Variants in TG observed in about 807,000 individuals in gnomAD.
The protein encoded by TG is thyroglobulin.
TG carries 270 observed loss-of-function variants against 324.7 expected under a neutral mutation model. The observed-to-expected ratio is 0.83, with a 90% CI of 0.75 to 0.92. TG has a LOEUF of 0.92. Ranked by LOEUF, TG falls within the 40% of genes least tolerant of loss-of-function variation. The pLI is 0.00. For synonymous variants in TG, 1,401 were observed against 1,327.0 expected (o/e 1.06, Z -1.21); for missense variants, 3,591 against 3,456.4 (o/e 1.04, Z -0.98).
chr8:133,084,239 T>A (rs1846170813), intron 41 of TG, among the ~76,000 whole-genome samples: 1 of 152,146 alleles, frequency 6.6e-6, no homozygotes, highest in Admixed American at 6.5e-5. Context: ...AGACTTTGCC[T>A]CTGTCTAGGC....
At chr8:132,950,699 C>T (rs1405087659) in intron 27 of TG, among the ~76,000 whole-genome samples, 3 of 152,190 alleles carry the variant, frequency 2.0e-5, no homozygotes, top group Non-Finnish European at 4.4e-5. Context: ...ACTTGTGTGA[C>T]CTGGAGTAGG....
intron 43 of TG, among the ~76,000 whole-genome samples, chr8:133,104,945 C>T (rs927859042): frequency 7.2e-5 from 11 of 152,306 alleles, no homozygotes; most frequent in African/African-American, 2.4e-4. Context: ...TGTGTCATGT[C>T]CATTTGGAAT....
chr8:133,076,426 T>C (rs1844870224), intron 41 of TG, among the ~76,000 whole-genome samples: 1 of 152,210 alleles, frequency 6.6e-6, no homozygotes, highest in Non-Finnish European at 1.5e-5. Context: ...ACTAGAGAGA[T>C]GGTTCCTTAG....
chr8:133,128,510 A>G (rs1467512952), intron 45 of TG, among the ~76,000 whole-genome samples: 2 of 152,062 alleles, frequency 1.3e-5, no homozygotes, highest in African/African-American at 4.8e-5. Context: ...ATTTACACCC[A>G]CTCGATCTAT....
Position 132,906,074 on chromosome 8 carries a change from T to C in TG, c.3635-614T>C, listed in dbSNP as rs543549105. Among the ~76,000 whole-genome samples the C allele has an allele frequency of 1.3e-5, 2 of 152,102 alleles. 1 individual carries two copies. Among genetic ancestry groups the C allele is most frequent in the African/African-American group, 4.8e-5 (2 of 41,476 alleles). ...TGCCAGCAGTGGGGACTGAGTGGGA[T>C]GTGGGAGCAGAAAGGCAGGAGGAGG... On this transcript the variant is annotated intron_variant, in intron 16 of 47. Transcript: ENST00000220616.
At chr8:132,870,628 A>G (rs1010619034) in intron 3 of TG, among the ~76,000 whole-genome samples, 3 of 152,026 alleles carry the variant, frequency 2.0e-5, no homozygotes, top group African/African-American at 7.2e-5. Flanking sequence ...TTTATAAAGA[A>G]AAGAGATGTG....
chr8:132,945,848 A>G (rs967467467), intron 26 of TG, among the ~76,000 whole-genome samples: 15 of 152,192 alleles, frequency 9.9e-5, no homozygotes, highest in African/African-American at 3.6e-4. Context: ...GAGTTCAAAC[A>G]AGGTGATTCC....
chr8:132,873,274 CACTCACCTTG>C, intron 5 of TG, 53 bp downstream of exon 5: 4 of 1,607,064 alleles, frequency 2.5e-6, no homozygotes, highest in Non-Finnish European at 2.6e-6. Flanking sequence ...ACGCAGCCCA[CACTCACCTTG>C]AGCTGGGGGC....
chr8:132,916,620 T>C (rs111866660), intron 20 of TG, among the ~76,000 whole-genome samples: 235 of 152,308 alleles, frequency 1.5e-3, no homozygotes, highest in African/African-American at 5.2e-3. Flanking sequence ...GAAAGTCCAT[T>C]GCTCATGACT....
At chr8:132,994,051 C>T (rs1014496888) in intron 35 of TG, among the ~76,000 whole-genome samples, 9 of 152,148 alleles carry the variant, frequency 5.9e-5, no homozygotes, top group Non-Finnish European at 1.0e-4. Flanking sequence ...TAATTCCCCT[C>T]TGCCCACTCT....
chr8:133,042,450 C>G (rs1387538217), intron 41 of TG, among the ~76,000 whole-genome samples: 1 of 152,084 alleles, frequency 6.6e-6, no homozygotes, highest in East Asian at 1.9e-4. Flanking sequence ...AACCACCATG[C>G]ATGGTATACT....
At chr8:133,080,186 T>G (rs937198313) in intron 41 of TG, among the ~76,000 whole-genome samples, 2 of 152,114 alleles carry the variant, frequency 1.3e-5, no homozygotes, top group African/African-American at 4.8e-5. Flanking sequence ...AGGACATAAC[T>G]GGTACAAAAG....
intron 35 of TG, among the ~76,000 whole-genome samples, chr8:132,990,177 T>TATA (rs1554691025): frequency 7.4e-5 from 11 of 148,670 alleles, no homozygotes; most frequent in African/African-American, 2.5e-4. Flanking sequence ...TATATATATA[T>TATA]ATATAATATA....
Position 132,911,500 on chromosome 8 carries a change from C to T in TG, c.4126C>T (p.Pro1376Ser). The T allele has an allele frequency of 6.2e-7, 1 of 1,614,106 alleles. No individual in the cohort carries two copies. The highest frequency in any genetic ancestry group is 8.5e-7 in the Non-Finnish European group (1 of 1,180,012). ...VTWKSRLEDI[P>S]VASLPDLHDI... ...ATGGAAATCACGGCTTGAGGACATC[C>T]CAGTGGCTTCTCTTCCTGACTTACA... The change falls in exon 19 of 48, where the codon CCA becomes TCA. Residue 1376 changes from proline to serine, a missense_variant. Coordinates refer to ENST00000220616, the MANE Select transcript of TG (RefSeq NM_003235.5).
chr8:132,966,464 C>CTG (rs138876980), intron 29 of TG, 96 bp from the exon 30 acceptor site: 367,669 of 1,124,836 alleles, frequency 0.33, 22,384 homozygotes, highest in Admixed American at 0.41. Context: ...CTGTCTCTCT[C>CTG]TCTGTGTGTG....
rs767564345 is a variant in TG at position 132,893,934 on chromosome 8, G to C, written c.3001+5G>C. On this transcript the variant is annotated splice_donor_5th_base_variant and intron_variant, in intron 11 of 47. Transcript: ENST00000220616. Reference sequence around the variant, plus strand: ...TTCGCCTGGCGGCTCAGTCTAGTGAGTGTGGTGCCCTTCAGCTTTCTTACT... The same window carrying C: ...TTCGCCTGGCGGCTCAGTCTAGTGACTGTGGTGCCCTTCAGCTTTCTTACT... 4 of 1,613,930 alleles carry C rather than the reference G, an allele frequency of 2.5e-6. No homozygotes were observed. The highest frequency in any genetic ancestry group is 2.5e-6 in the Non-Finnish European group (3 of 1,179,950).
intron 22 of TG, among the ~76,000 whole-genome samples, chr8:132,926,165 G>A (rs184665290): frequency 2.0e-5 from 3 of 152,140 alleles, no homozygotes; most frequent in Non-Finnish European, 4.4e-5. Flanking sequence ...TGTCCTTCAG[G>A]CTAGGTCCTT....
In TG at chr8:133,012,008, T is replaced by TCTG. The variant is rs1564071267; in HGVS notation, c.6374_6376dup (p.Ala2125dup). The TCTG allele has an allele frequency of 6.2e-7, 1 of 1,614,206 alleles. No homozygotes were observed. Among genetic ancestry groups the TCTG allele is most frequent in the East Asian group, 2.2e-5 (1 of 44,888 alleles). On this transcript the variant is annotated inframe_insertion, in exon 36 of 48. Coordinates refer to ENST00000220616, the MANE Select transcript of TG (RefSeq NM_003235.5). ...CAGCACTGCTGCCACCAGCAATTTC[T>TCTG]CTGCTGTCCGAGACCTCTGTTTGTC...
At chr8:132,968,497 A>G (rs1828970347) in intron 31 of TG, among the ~76,000 whole-genome samples, 1 of 152,082 alleles carries the variant, frequency 6.6e-6, no homozygotes, top group Non-Finnish European at 1.5e-5. Flanking sequence ...ATATTTTTGG[A>G]GATTTTTTTT....
Sources: allele counts gnomAD v4.1 joint callset (sites outside exome capture counted in the v4.1 genomes callset), GRCh38; gene constraint gnomAD v4.1.1; transcripts MANE v1.5; gene names NCBI Gene and HGNC (gene_info 2026-07-23, HGNC 2026-07-21).